SCYL2: variants seen among roughly 807,000 people sequenced by gnomAD.
SCYL2 encodes SCY1-like protein 2.
A neutral mutation model predicts 100.4 loss-of-function variants in SCYL2; 36 were observed. The ratio of observed to expected loss-of-function variants is 0.36; its 90% CI spans 0.27 to 0.47. The LOEUF is 0.47. SCYL2 is among the 20% of genes least tolerant of loss of function. The pLI is 1.00. For synonymous variants in SCYL2, 330 were observed against 359.2 expected (o/e 0.92, Z 0.92); for missense variants, 902 against 1,083.9 (o/e 0.83, Z 2.36).
At position 100,314,477 on chromosome 12, in the gene SCYL2, C is replaced by G; in HGVS notation, c.970-12C>G. The G allele has an allele frequency of 1.3e-6, 2 of 1,563,818 alleles. No individual in the cohort carries two copies. The highest frequency in any genetic ancestry group is 1.7e-6 in the Non-Finnish European group (2 of 1,143,764). ...AACATTTATCAAAATACTTTATTTC[C>G]ATTTTTTTTAGATTCCCTTCTTTGA... is the stretch of plus-strand genomic sequence containing the variant. On this transcript the variant is annotated splice_polypyrimidine_tract_variant and intron_variant, in intron 7 of 17. Transcript: ENST00000360820.
At position 100,323,263 on chromosome 12, in the gene SCYL2, G is replaced by A. The variant is rs115444894; in HGVS notation, c.1396-262G>A. Among the ~76,000 whole-genome samples the A allele has an allele frequency of 5.6e-3, 848 of 152,240 alleles. 8 individuals are homozygous for A. Among genetic ancestry groups the A allele is most frequent in the African/African-American group, 0.019 (796 of 41,538 alleles). ...AAGAAAGAGATTAGGAATGAGATCA[G>A]GGAGTTTGGATGTCATACACTAGTT... On this transcript the variant is annotated intron_variant, in intron 10 of 17. Transcript: ENST00000360820.
At chr12:100,281,959 AAG>A (rs1454221120) in intron 1 of SCYL2, among the ~76,000 whole-genome samples, 2 of 152,142 alleles carry the variant, frequency 1.3e-5, no homozygotes, top group East Asian at 3.8e-4. Context: ...GGGGTGGAAA[AAG>A]AAAAAATAAG....
At chr12:100,320,728 C>G (rs1323070656) in intron 10 of SCYL2, among the ~76,000 whole-genome samples, 1 of 152,014 alleles carries the variant, frequency 6.6e-6, no homozygotes, top group African/African-American at 2.4e-5. Context: ...ACTTTCCAGT[C>G]GCTTTTTAAT....
chr12:100,278,717 C>T (rs1364078017), intron 1 of SCYL2, among the ~76,000 whole-genome samples: 2 of 151,180 alleles, frequency 1.3e-5, no homozygotes, highest in Non-Finnish European at 2.9e-5. Flanking sequence ...GCAACCTTCA[C>T]CTCCCGGGTT....
chr12:100,304,070 C>G (rs1411604151), intron 4 of SCYL2, among the ~76,000 whole-genome samples: 2 of 152,146 alleles, frequency 1.3e-5, no homozygotes, highest in Admixed American at 6.5e-5. Flanking sequence ...GGGAAAACCA[C>G]CTACTGAAGC....
At chr12:100,330,668 G>A (rs1952197917) in intron 13 of SCYL2, among the ~76,000 whole-genome samples, 1 of 152,150 alleles carries the variant, frequency 6.6e-6, no homozygotes, top group Non-Finnish European at 1.5e-5. Flanking sequence ...AGCAATGAGG[G>A]AAGCAGAAAG....
intron 11 of SCYL2, among the ~76,000 whole-genome samples, chr12:100,325,221 A>G (rs1210850863): frequency 6.6e-6 from 1 of 152,118 alleles, no homozygotes; most frequent in Non-Finnish European, 1.5e-5. Flanking sequence ...AAAAAAATCC[A>G]AAACCAAAGC....
At chr12:100,294,271 C>A (rs572148107) in intron 3 of SCYL2, among the ~76,000 whole-genome samples, 1 of 136,146 alleles carries the variant, frequency 7.3e-6, no homozygotes, top group Non-Finnish European at 1.6e-5. Flanking sequence ...CCCCCAACCT[C>A]CCTCCCGGAC....
At chr12:100,337,885 T>C (rs543154089) in intron 17 of SCYL2, among the ~76,000 whole-genome samples, 27 of 152,326 alleles carry the variant, frequency 1.8e-4, no homozygotes, top group African/African-American at 6.5e-4. Context: ...GTTAGATTTG[T>C]AACTTGATTT....
intron 1 of SCYL2, among the ~76,000 whole-genome samples, chr12:100,278,291 C>T (rs1039412924): frequency 6.6e-6 from 1 of 152,138 alleles, no homozygotes; most frequent in African/African-American, 2.4e-5. Context: ...CCTCCACCTC[C>T]TGGTCTCAAT....
At chr12:100,307,976 C>T (rs536248939) in intron 4 of SCYL2, among the ~76,000 whole-genome samples, 5 of 152,172 alleles carry the variant, frequency 3.3e-5, no homozygotes, top group East Asian at 1.9e-4. Context: ...ATCATTAAAA[C>T]GTCAGGAAAC....
intron 17 of SCYL2, among the ~76,000 whole-genome samples, chr12:100,337,993 T>G (rs116241065): frequency 1.1e-3 from 167 of 152,318 alleles, no homozygotes; most frequent in African/African-American, 4.0e-3. Flanking sequence ...GGGCCCTGCT[T>G]GTAGAGAGTT....
intron 10 of SCYL2, among the ~76,000 whole-genome samples, chr12:100,320,302 T>C (rs961781917): frequency 6.6e-6 from 1 of 152,042 alleles, no homozygotes; most frequent in African/African-American, 2.4e-5. Context: ...CCCAGTGCTT[T>C]AGGAGGCCAA....
In SCYL2 at chr12:100,325,054, CTCG is replaced by C. The variant is rs2096360164; in HGVS notation, c.1509+1419_1509+1421del. On this transcript the variant is annotated intron_variant, in intron 11 of 17. Transcript: ENST00000360820. ...ACGAGCATGAGCAACACAGCGAGACCTCGTCTCTACTAAAAATAAAAAAATTTA... is the reference window on the plus strand; with the variant it reads ...ACGAGCATGAGCAACACAGCGAGACCTCTCTACTAAAAATAAAAAAATTTA... Among the ~76,000 whole-genome samples, 3 of 152,060 alleles carry C rather than the reference CTCG, an allele frequency of 2.0e-5. No homozygotes were observed. The South Asian group carries it at 6.2e-4, about 32-fold the overall frequency.
At chr12:100,268,203 C>G (rs75906452) in intron 1 of SCYL2, among the ~76,000 whole-genome samples, 2,609 of 152,272 alleles carry the variant, frequency 0.017, 74 homozygotes, top group African/African-American at 0.059. Context: ...ACGTCAAACT[C>G]AGGAATTATT....
chr12:100,296,933 A>G (rs937064749), intron 3 of SCYL2: 5 of 152,206 alleles, frequency 3.3e-5, no homozygotes, highest in African/African-American at 1.2e-4. Context: ...AAGCTTCTGC[A>G]TATGCTCTCA....
intron 4 of SCYL2, among the ~76,000 whole-genome samples, chr12:100,305,171 C>T (rs1249891857): frequency 6.6e-6 from 1 of 152,174 alleles, no homozygotes; most frequent in Non-Finnish European, 1.5e-5. Context: ...ACATCTACAG[C>T]ACTCTCCATC....
chr12:100,305,502 G>C (rs1365054367), intron 4 of SCYL2, among the ~76,000 whole-genome samples: 1 of 152,198 alleles, frequency 6.6e-6, no homozygotes, highest in Non-Finnish European at 1.5e-5. Flanking sequence ...CACAGCTAAA[G>C]CAGTATGTAG....
intron 1 of SCYL2, among the ~76,000 whole-genome samples, chr12:100,277,015 C>T (rs1304684572): frequency 6.6e-6 from 1 of 151,966 alleles, no homozygotes; most frequent in Non-Finnish European, 1.5e-5. Flanking sequence ...TATTTAAAAG[C>T]GTTGATTAAT....
Sources: gnomAD v4.1 joint callset for allele counts (sites outside exome capture counted in the v4.1 genomes callset) on GRCh38, gnomAD v4.1.1 for gene constraint, MANE v1.5 for transcripts, NCBI Gene and HGNC (gene_info 2026-07-23, HGNC 2026-07-21) for gene names.